Variants in PRKCB observed in about 807,000 individuals in gnomAD.
PRKCB encodes the protein protein kinase C beta type.
Under a neutral mutation model 81.5 loss-of-function variants are expected in PRKCB, and 13 were observed. That is an observed-to-expected ratio of 0.16 (90% CI 0.10 to 0.25). The LOEUF is 0.25. PRKCB is among the 10% of genes least tolerant of loss of function. The pLI is 1.00. For synonymous variants in PRKCB, 335 were observed against 321.4 expected (o/e 1.04, Z -0.45); for missense variants, 509 against 875.7 (o/e 0.58, Z 5.29).
chr16:23,936,579 A>ATTTTTTTTTTTTTTTTT (rs57643578), intron 2 of PRKCB, among the ~76,000 whole-genome samples: 1 of 96,040 alleles, frequency 1.0e-5, no homozygotes, highest in Non-Finnish European at 1.9e-5. Flanking sequence ...CACCCAACTA[A>ATTTTTTTTTTTTTTTTT]TTTTTTTTTT....
At chr16:23,838,966 G>T (rs1185146204) in intron 2 of PRKCB, among the ~76,000 whole-genome samples, 1 of 152,168 alleles carries the variant, frequency 6.6e-6, no homozygotes, top group Non-Finnish European at 1.5e-5. Context: ...AAATGCCAAT[G>T]GTGTCTTGGC....
At chr16:24,193,267 AC>A (rs1220229431) in intron 16 of PRKCB, among the ~76,000 whole-genome samples, 1 of 151,632 alleles carries the variant, frequency 6.6e-6, no homozygotes, top group African/African-American at 2.4e-5. Flanking sequence ...ACGTGGTAAA[AC>A]CCCATCTCTA....
intron 2 of PRKCB, among the ~76,000 whole-genome samples, chr16:23,905,627 A>G (rs979884332): frequency 6.6e-6 from 1 of 152,238 alleles, no homozygotes; most frequent in Admixed American, 6.5e-5. Flanking sequence ...AGAGTCTCCT[A>G]GAACCAGTTT....
chr16:23,855,249 G>C (rs568789078), intron 2 of PRKCB, among the ~76,000 whole-genome samples: 1 of 152,146 alleles, frequency 6.6e-6, no homozygotes, highest in Non-Finnish European at 1.5e-5. Flanking sequence ...ATGGAGTGCG[G>C]ATGAGGTCTG....
chr16:24,194,746 T>G (rs1375971178), intron 16 of PRKCB, among the ~76,000 whole-genome samples: 1 of 152,216 alleles, frequency 6.6e-6, no homozygotes, highest in Non-Finnish European at 1.5e-5. Context: ...GCATTTGATA[T>G]GATTTCCCAC....
At chr16:23,973,954 A>C (rs1361024276) in intron 2 of PRKCB, among the ~76,000 whole-genome samples, 1 of 152,220 alleles carries the variant, frequency 6.6e-6, no homozygotes, top group African/African-American at 2.4e-5. Context: ...TACAGGCGTA[A>C]GGCACTCTGA....
intron 2 of PRKCB, among the ~76,000 whole-genome samples, chr16:23,900,573 C>T (rs568118594): frequency 1.3e-5 from 2 of 151,802 alleles, no homozygotes; most frequent in East Asian, 3.9e-4. Context: ...AGAGACATTC[C>T]GCATATGAAC....
At chr16:23,897,567 C>T (rs574416031) in intron 2 of PRKCB, among the ~76,000 whole-genome samples, 99 of 152,266 alleles carry the variant, frequency 6.5e-4, no homozygotes, top group Non-Finnish European at 1.0e-3. Context: ...CTCTTAGGCA[C>T]GTTGTTTGTT....
chr16:23,914,030 G>A (rs8051390), intron 2 of PRKCB, among the ~76,000 whole-genome samples: 80,968 of 151,640 alleles, frequency 0.53, 22,227 homozygotes, highest in Admixed American at 0.62. Flanking sequence ...TTTTGGGGCA[G>A]GCTCTTGTGT....
At chr16:24,074,958 C>A (rs1165447295) in intron 5 of PRKCB, among the ~76,000 whole-genome samples, 1 of 151,864 alleles carries the variant, frequency 6.6e-6, no homozygotes, top group Non-Finnish European at 1.5e-5. Flanking sequence ...CTTGCCTCTA[C>A]AAAAAATAAA....
rs375870315 is a variant in PRKCB at position 24,185,444 on chromosome 16, C to G, written c.1615-16C>G. On this transcript the variant is annotated splice_polypyrimidine_tract_variant and intron_variant, in intron 14 of 16. Transcript: ENST00000643927. ...AAGCAGGGATTCTTCTCCTCCCACC[C>G]TCCCCTGTCATACAGGCACCCTTTG... The G allele has an allele frequency of 2.0e-4, 329 of 1,608,212 alleles. 3 individuals carry two copies. The South Asian group carries it at 2.5e-3, about 12-fold the overall frequency.
chr16:23,962,736 GT>G (rs201012621), intron 2 of PRKCB, among the ~76,000 whole-genome samples: 13 of 148,378 alleles, frequency 8.8e-5, no homozygotes, highest in East Asian at 2.0e-4. Context: ...ACCAGTCTTT[GT>G]TTTTTTTTTC....
chr16:24,089,278 C>A (rs1596542810), intron 5 of PRKCB, among the ~76,000 whole-genome samples: 1 of 152,236 alleles, frequency 6.6e-6, no homozygotes, highest in Admixed American at 6.5e-5. Flanking sequence ...CTTAGGGAAT[C>A]AGAATCTATC....
chr16:23,976,308 A>G (rs781132660), intron 2 of PRKCB, among the ~76,000 whole-genome samples: 13 of 152,146 alleles, frequency 8.5e-5, no homozygotes, highest in East Asian at 1.9e-4. Context: ...AAAAAAACCC[A>G]CAAAAACCGC....
intron 2 of PRKCB, among the ~76,000 whole-genome samples, chr16:23,899,646 G>C (rs12598946): frequency 1.7e-4 from 3 of 17,820 alleles, no homozygotes; most frequent in South Asian, 0.011. Flanking sequence ...CTCTCTCTCT[G>C]TGTGTGTGTG....
At chr16:24,119,691 T>A (rs1966775967) in intron 8 of PRKCB, among the ~76,000 whole-genome samples, 1 of 152,026 alleles carries the variant, frequency 6.6e-6, no homozygotes, top group Admixed American at 6.6e-5. Flanking sequence ...CCGAGAAAGG[T>A]GAGACGGCTT....
At chr16:24,058,092 C>T (rs960138979) in intron 5 of PRKCB, among the ~76,000 whole-genome samples, 6 of 152,144 alleles carry the variant, frequency 3.9e-5, no homozygotes, top group Non-Finnish European at 4.4e-5. Context: ...ATTTTTCCTT[C>T]CTTCTTGCAC....
intron 5 of PRKCB, among the ~76,000 whole-genome samples, chr16:24,060,255 G>A (rs140143442): frequency 1.2e-4 from 19 of 152,260 alleles, no homozygotes; most frequent in Non-Finnish European, 2.6e-4. Context: ...CTCATCTGGC[G>A]AGCAGAGAGA....
At chr16:24,041,061 TG>T (rs71834593) in intron 5 of PRKCB, among the ~76,000 whole-genome samples, 34,181 of 149,956 alleles carry the variant, frequency 0.23, 4,604 homozygotes, top group South Asian at 0.38. Flanking sequence ...TAATTTTTTT[TG>T]TGTGTGTGTG....
Sources: allele counts gnomAD v4.1 joint callset (sites outside exome capture counted in the v4.1 genomes callset), GRCh38; gene constraint gnomAD v4.1.1; transcripts MANE v1.5; gene names NCBI Gene and HGNC (gene_info 2026-07-23, HGNC 2026-07-21).